Variants in ATP6V0A2 observed in about 807,000 individuals in gnomAD.
The protein encoded by ATP6V0A2 is ATPase H+ transporting V0 subunit a2.
Under a neutral mutation model 104.4 loss-of-function variants are expected in ATP6V0A2, and 58 were observed. The observed-to-expected ratio is 0.56, with a 90% CI of 0.45 to 0.69. The LOEUF (loss-of-function observed/expected upper bound fraction) is 0.69, where lower values mean the gene tolerates loss of function less well. ATP6V0A2 is among the 30% of genes least tolerant of loss of function. ATP6V0A2 has a pLI of 0.00. For missense variants in ATP6V0A2, 938 were observed against 1,062.9 expected (o/e 0.88, Z 1.63); for synonymous variants, 376 against 397.9 (o/e 0.95, Z 0.65).
intron 18 of ATP6V0A2, among the ~76,000 whole-genome samples, chr12:123,755,325 G>A (rs1288912284): frequency 6.6e-6 from 1 of 152,034 alleles, no homozygotes; most frequent in Non-Finnish European, 1.5e-5. Context: ...ATCACCTGAG[G>A]TCAGGAGTTT....
At chr12:123,728,769 G>A (rs192148880) in intron 6 of ATP6V0A2, among the ~76,000 whole-genome samples, 84 of 152,320 alleles carry the variant, frequency 5.5e-4, no homozygotes, top group Non-Finnish European at 9.4e-4. Context: ...GTTTCTGTTT[G>A]CTCCATTACT....
intron 9 of ATP6V0A2, chr12:123,739,118 G>A (rs1956584220): frequency 1.3e-5 from 2 of 152,280 alleles, no homozygotes; most frequent in South Asian, 4.1e-4. Flanking sequence ...CGAGCCCATG[G>A]TGCTGCTTCT....
intron 6 of ATP6V0A2, among the ~76,000 whole-genome samples, chr12:123,730,068 T>C (rs1370299382): frequency 6.9e-6 from 1 of 144,956 alleles, no homozygotes; most frequent in African/African-American, 2.6e-5. Flanking sequence ...TTTTTTTTTT[T>C]TTTTGAGACA....
chr12:123,731,751 G>T (rs1258603189), intron 6 of ATP6V0A2: 2 of 152,082 alleles, frequency 1.3e-5, no homozygotes, highest in East Asian at 3.9e-4. Context: ...TGTCTAGTGG[G>T]TTGCTCAGTT....
intron 9 of ATP6V0A2, among the ~76,000 whole-genome samples, chr12:123,738,667 A>T (rs986575509): frequency 6.6e-6 from 1 of 152,186 alleles, no homozygotes; most frequent in African/African-American, 2.4e-5. Flanking sequence ...CACCTTCCAG[A>T]TTTTGAATCA....
At position 123,756,875 on chromosome 12, in the gene ATP6V0A2, A is replaced by G. The variant is rs1300082047; in HGVS notation, c.2354A>G (p.Tyr785Cys). Residue 785 changes from tyrosine (Y) to cysteine (C), a missense_variant, in exon 19 of 20, where the codon TAT (tyrosine) becomes TGT (cysteine). Physicochemically the swap from Tyr to Cys is radical, Grantham distance 194. Transcript: ENST00000330342. The stretch of plus-strand genomic sequence containing the variant: ...GTGGGCCTCCGCGTTGACACCACCT[A>G]TGGCGTCTTGCTACTGCTCCCGGTT... ...MRVGLRVDTT[Y>C]GVLLLLPVIA... The G allele has an allele frequency of 2.5e-6, 4 of 1,613,976 alleles. No homozygotes were observed. The highest frequency in any genetic ancestry group is 1.3e-5 in the African/African-American group (1 of 74,896).
At chr12:123,713,225 A>T (rs1456718256) in intron 1 of ATP6V0A2, among the ~76,000 whole-genome samples, 1 of 151,876 alleles carries the variant, frequency 6.6e-6, no homozygotes, top group African/African-American at 2.4e-5. Context: ...GTTGGAGGGA[A>T]CAGGAGGAGC....
intron 1 of ATP6V0A2, among the ~76,000 whole-genome samples, chr12:123,716,459 T>A (rs531930031): frequency 1.3e-5 from 2 of 152,270 alleles, no homozygotes; most frequent in Admixed American, 1.3e-4. Flanking sequence ...TACACAACTT[T>A]ATTGAGGTGT....
chr12:123,723,766 A>C (rs1281805978), intron 3 of ATP6V0A2: 1 of 152,196 alleles, frequency 6.6e-6, no homozygotes, highest in Non-Finnish European at 1.5e-5. Context: ...GCCAATTGTC[A>C]TGAATTTTTA....
intron 15 of ATP6V0A2, among the ~76,000 whole-genome samples, chr12:123,749,116 C>A (rs551882789): frequency 2.0e-5 from 3 of 152,262 alleles, no homozygotes; most frequent in South Asian, 2.1e-4. Flanking sequence ...ACAGCAAGAC[C>A]TCATCTCTAC....
At chr12:123,756,271 G>A (rs1356612265) in intron 18 of ATP6V0A2, 1 of 150,262 alleles carries the variant, frequency 6.7e-6, no homozygotes, top group African/African-American at 2.5e-5. Flanking sequence ...AGCAAGCACT[G>A]CCTGTGCTTG....
At chr12:123,719,890 T>G (rs1956382092) in intron 2 of ATP6V0A2, among the ~76,000 whole-genome samples, 1 of 152,128 alleles carries the variant, frequency 6.6e-6, no homozygotes, top group African/African-American at 2.4e-5. Flanking sequence ...GCTGCTACTG[T>G]AAAGGTCACA....
chr12:123,725,447 A>G (rs1430619395), intron 4 of ATP6V0A2, among the ~76,000 whole-genome samples: 1 of 152,172 alleles, frequency 6.6e-6, no homozygotes, highest in Non-Finnish European at 1.5e-5. Flanking sequence ...ACTTTTTCCA[A>G]ATTGCTAAGT....
At chr12:123,756,174 T>A (rs193194651) in intron 18 of ATP6V0A2, among the ~76,000 whole-genome samples, 1 of 151,390 alleles carries the variant, frequency 6.6e-6, no homozygotes, top group African/African-American at 2.4e-5. Context: ...TTAACAACAA[T>A]TTTAAAGGCC....
At chr12:123,724,505 GGCGACAGAGGGAGA>G in intron 3 of ATP6V0A2, 135 bp from the exon 4 acceptor site, 1 of 702,350 alleles carries the variant, frequency 1.4e-6, no homozygotes, top group African/African-American at 1.8e-5. Flanking sequence ...CTCCAGCCTG[GGCGACAGAGGGAGA>G]CTCCATCTCA....
At position 123,716,718 on chromosome 12, in the gene ATP6V0A2, GA is replaced by G. The variant is rs532465726; in HGVS notation, c.118-1904del. 1.1e-4 allele frequency among the ~76,000 whole-genome samples: 17 copies of G among 150,810 alleles called. No homozygotes were observed. In the East Asian group the frequency reaches 3.4e-3, roughly 30 times the overall value. ...AGGCAGGAGGATCGCTTGAACCTGG[GA>G]GGCAGAGGTTGCAGTGAGCTGAGAT... is the stretch of plus-strand genomic sequence containing the variant. On this transcript the variant is annotated intron_variant, in intron 1 of 19. Transcript: ENST00000330342.
chr12:123,745,116 C>T (rs1298318728), intron 13 of ATP6V0A2, 144 bp downstream of exon 13: 1 of 874,240 alleles, frequency 1.1e-6, no homozygotes, highest in Non-Finnish European at 1.8e-6. Context: ...CATCCCAGTC[C>T]CGGACACTGG....
At chr12:123,723,555 G>A (rs770533650) in intron 3 of ATP6V0A2, 28 of 151,696 alleles carry the variant, frequency 1.8e-4, no homozygotes, top group Non-Finnish European at 2.9e-4. Flanking sequence ...GTGCCTCCCG[G>A]GTTCAAGCAA....
chr12:123,723,206 T>C (rs914849330), intron 3 of ATP6V0A2: 1 of 152,262 alleles, frequency 6.6e-6, no homozygotes, highest in Non-Finnish European at 1.5e-5. Flanking sequence ...TCCAACCAGA[T>C]GAGTAACAGC....
Sources: gnomAD v4.1 joint callset for allele counts (sites outside exome capture counted in the v4.1 genomes callset) on GRCh38, gnomAD v4.1.1 for gene constraint, MANE v1.5 for transcripts, NCBI Gene and HGNC (gene_info 2026-07-23, HGNC 2026-07-21) for gene names.